Variants in NCOA6 observed in about 807,000 individuals in gnomAD.
The protein encoded by NCOA6 is nuclear receptor coactivator 6, also known as NRC RAP250.
A neutral mutation model predicts 171.4 loss-of-function variants in NCOA6; 49 were observed. That is an observed-to-expected ratio of 0.29 (90% CI 0.23 to 0.36). The LOEUF (loss-of-function observed/expected upper bound fraction) is 0.36. Ranked by LOEUF, NCOA6 falls within the 10% of genes least tolerant of loss-of-function variation. NCOA6 has a pLI of 1.00. For missense variants in NCOA6, 2,248 were observed against 2,554.5 expected (o/e 0.88, Z 2.59); for synonymous variants, 910 against 927.5 (o/e 0.98, Z 0.34).
chr20:34,743,430 A>G, intron 10 of NCOA6, 89 bp from the exon 11 acceptor site: 1 of 1,361,764 alleles, frequency 7.3e-7, no homozygotes, highest in Non-Finnish European at 1.0e-6. Flanking sequence ...ATACTCATCT[A>G]GGTGGCACAG....
rs10700283 is a variant in NCOA6, at chr20:34,811,201, GTATATATATATATATATATATA to G, written c.-164+14249_-164+14270del. Among the ~76,000 whole-genome samples the G allele has an allele frequency of 3.7e-4, 20 of 53,836 alleles. 1 individual carries two copies. The highest frequency in any genetic ancestry group is 9.2e-4 in the Admixed American group (5 of 5,436). The allele number at this position is 53,836 out of a possible 152,430, so 35.3% of individuals were successfully genotyped here. A position where few individuals can be genotyped will look rare whatever the true frequency, so the allele number is the denominator to read the frequency against. ...TATTTAACAACAACAACAACAACGT[GTATATATATATATATATATATA>G]TATATATATATATGCTTTCAAAATG... On this transcript the variant is annotated intron_variant, in intron 1 of 14. Coordinates refer to ENST00000359003, the MANE Select transcript of NCOA6 (RefSeq NM_014071.5).
At chr20:34,810,656 C>T (rs1342234800) in intron 1 of NCOA6, among the ~76,000 whole-genome samples, 8 of 151,830 alleles carry the variant, frequency 5.3e-5, no homozygotes, top group South Asian at 4.2e-4. Context: ...CCCGGGTTCA[C>T]GCCATTCTCC....
chr20:34,766,840 A>T (rs1365282554), intron 5 of NCOA6, among the ~76,000 whole-genome samples: 5 of 152,092 alleles, frequency 3.3e-5, no homozygotes, highest in Admixed American at 2.6e-4. Context: ...TCTTTCATTA[A>T]CTATATCTAA....
rs1376706367 is a variant in NCOA6, at chr20:34,743,073, C to T, written c.3183G>A (p.Leu1061=). Residue 1061 remains leucine (L), a synonymous_variant, in exon 11 of 15, where the codon CTG becomes CTA. Transcript: ENST00000359003. The part of the protein sequence containing the change: ...SQNVHPPRGP[L]NPDSQRMPMQ... ...TGGGCATTCTCTGGGAGTCGGGGTT[C>T]AGGGGGCCCCTTGGAGGATGGACAT... 7 of 1,613,452 alleles carry T rather than the reference C, an allele frequency of 4.3e-6. No homozygotes were observed. The East Asian group carries it at 8.9e-5, about 21-fold the overall frequency.
At chr20:34,734,008 G>A (rs2075868877) in intron 12 of NCOA6, among the ~76,000 whole-genome samples, 1 of 152,090 alleles carries the variant, frequency 6.6e-6, no homozygotes, top group African/African-American at 2.4e-5. Context: ...TGGCTGGAAC[G>A]TATAAACTCA....
At chr20:34,775,261 G>A (rs982870235) in intron 4 of NCOA6, among the ~76,000 whole-genome samples, 2 of 152,130 alleles carry the variant, frequency 1.3e-5, no homozygotes, top group Non-Finnish European at 2.9e-5. Context: ...AATACCAAGA[G>A]ATAGCAGGAT....
rs146535550 is a variant in NCOA6 at position 34,749,991 on chromosome 20, T to A, written c.2204A>T (p.Asn735Ile). 9.9e-6 allele frequency: 16 copies of A among 1,614,258 alleles called. No homozygotes were observed. Among genetic ancestry groups the A allele is most frequent in the Non-Finnish European group, 1.4e-5 (16 of 1,180,040 alleles). ...TATCTGGGCTGGTCCCGGCATGACA[T>A]TGGACTGGTTCTGAGTGTTAAACTG... The part of the protein sequence containing the change: ...KQQFNTQNQS[N>I]VMPGPAQIMR... The change falls in exon 9 of 15, where the codon AAT becomes ATT. Residue 735 changes from asparagine to isoleucine, a missense_variant. Asn to Ile is a moderately radical substitution (Grantham distance 149, BLOSUM62 -3). Transcript: ENST00000359003.
chr20:34,765,646 T>C (rs999042206), intron 5 of NCOA6, among the ~76,000 whole-genome samples: 1 of 152,132 alleles, frequency 6.6e-6, no homozygotes, highest in African/African-American at 2.4e-5. Flanking sequence ...TCTGGAGACA[T>C]TTTAAGTGGC....
intron 5 of NCOA6, among the ~76,000 whole-genome samples, chr20:34,762,812 G>C (rs184132861): frequency 1.6e-4 from 24 of 151,960 alleles, no homozygotes; most frequent in Admixed American, 1.3e-3. Flanking sequence ...AATTAGCAAG[G>C]GTCTGTTAAT....
At chr20:34,778,398 G>T (rs902990937) in intron 3 of NCOA6, among the ~76,000 whole-genome samples, 2 of 151,798 alleles carry the variant, frequency 1.3e-5, no homozygotes, top group Non-Finnish European at 2.9e-5. Flanking sequence ...AGGAGGAAAT[G>T]GTGAGTTGTT....
At chr20:34,715,533 C>T (rs1338340770) in intron 14 of NCOA6, among the ~76,000 whole-genome samples, 168 bp from the exon 15 acceptor site, 1 of 152,108 alleles carries the variant, frequency 6.6e-6, no homozygotes, top group African/African-American at 2.4e-5. Flanking sequence ...TGATGACTTA[C>T]GTGGGAAGAG....
At chr20:34,810,437 CAAGTA>C (rs1193856951) in intron 1 of NCOA6, among the ~76,000 whole-genome samples, 6 of 152,030 alleles carry the variant, frequency 3.9e-5, no homozygotes, top group Admixed American at 2.0e-4. Flanking sequence ...AACAAGCAAA[CAAGTA>C]AATAGAAAAC....
intron 1 of NCOA6, among the ~76,000 whole-genome samples, chr20:34,809,731 C>A (rs928830445): frequency 2.6e-5 from 4 of 152,166 alleles, no homozygotes; most frequent in African/African-American, 9.7e-5. Context: ...CTTTGAGAAG[C>A]CAAGGTGGGT....
At chr20:34,732,497 T>A (rs1600765945) in intron 13 of NCOA6, 62 bp downstream of exon 13, 1 of 1,508,206 alleles carries the variant, frequency 6.6e-7, no homozygotes, top group East Asian at 2.3e-5. Flanking sequence ...CTGAGACAGC[T>A]GATACCTTTC....
chr20:34,737,763 G>T (rs986312697), intron 11 of NCOA6, among the ~76,000 whole-genome samples: 1 of 152,136 alleles, frequency 6.6e-6, no homozygotes, highest in African/African-American at 2.4e-5. Flanking sequence ...ACTGAATTTT[G>T]TATATTTCCC....
At chr20:34,792,954 A>T (rs2077941032) in intron 1 of NCOA6, among the ~76,000 whole-genome samples, 1 of 150,682 alleles carries the variant, frequency 6.6e-6, no homozygotes, top group South Asian at 2.1e-4. Flanking sequence ...ATTTTTTTGT[A>T]TTTTTTTTGG....
chr20:34,801,472 A>G (rs2078253146), intron 1 of NCOA6, among the ~76,000 whole-genome samples: 1 of 152,228 alleles, frequency 6.6e-6, no homozygotes, highest in African/African-American at 2.4e-5. Flanking sequence ...AAAAGAGAGA[A>G]GACCCAAATA....
intron 12 of NCOA6, 89 bp from the exon 13 acceptor site, chr20:34,732,684 T>C: frequency 9.1e-7 from 1 of 1,097,902 alleles, no homozygotes; most frequent in Non-Finnish European, 1.4e-6. Context: ...ATGCCCTATT[T>C]AGGCTAAAGT....
intron 1 of NCOA6, chr20:34,821,184 TAA>T (rs1469413355): frequency 1.3e-5 from 2 of 152,234 alleles, no homozygotes; most frequent in African/African-American, 4.8e-5. Context: ...AATGTTTTTG[TAA>T]AGAGTATTTC....
Sources: allele counts gnomAD v4.1 joint callset (sites outside exome capture counted in the v4.1 genomes callset), GRCh38; gene constraint gnomAD v4.1.1; transcripts MANE v1.5; gene names NCBI Gene and HGNC (gene_info 2026-07-23, HGNC 2026-07-21).